Variants in TENM2 observed in about 807,000 individuals in gnomAD.
TENM2 encodes the protein teneurin-2.
Under a neutral mutation model 245.2 loss-of-function variants are expected in TENM2, and 52 were observed. The observed-to-expected ratio is 0.21, with a 90% confidence interval of 0.17 to 0.27. TENM2 has a LOEUF of 0.27. Ranked by LOEUF, TENM2 falls within the 10% of genes least tolerant of loss-of-function variation. The pLI is 1.00. For missense variants in TENM2, 3,046 were observed against 3,666.8 expected (o/e 0.83, Z 4.37); for synonymous variants, 1,363 against 1,438.9 (o/e 0.95, Z 1.19).
chr5:167,000,049 G>T, the TENM2 span, among the ~76,000 whole-genome samples: 2 of 152,158 alleles, frequency 1.3e-5, no homozygotes, highest in Non-Finnish European at 2.9e-5. Flanking sequence ...AGGACGCTGT[G>T]ATTGTGTTAG....
intron 3 of TENM2, among the ~76,000 whole-genome samples, chr5:167,940,213 G>A (rs1742234743): frequency 6.6e-6 from 1 of 152,082 alleles, no homozygotes; most frequent in Non-Finnish European, 1.5e-5. Flanking sequence ...ATTTCTGATG[G>A]AATTTGGAGC....
At chr5:167,747,058 A>T (rs1188000969) in intron 2 of TENM2, among the ~76,000 whole-genome samples, 1 of 152,170 alleles carries the variant, frequency 6.6e-6, no homozygotes, top group Non-Finnish European at 1.5e-5. Context: ...GAGAAGTGCT[A>T]TGAAGAAATA....
In TENM2 at chr5:167,437,325, C is replaced by T. The variant is rs368364889; in HGVS notation, c.502+61852C>T. 2.0e-3 allele frequency among the ~76,000 whole-genome samples: 305 copies of T among 152,264 alleles called. 12 individuals carry two copies. The South Asian group carries it at 0.058, about 29-fold the overall frequency. On this transcript the variant is annotated intron_variant, in intron 2 of 28. Transcript: ENST00000518659. ...CCAGATTTCGGACTTGCATAAGGCC[C>T]GTAGCCCCTTGGTTTTGGCCAATGT...
exon 2 of TENM2, chr5:167,375,472 C>T (rs751668254): frequency 1.2e-4 from 180 of 1,551,390 alleles, no homozygotes; most frequent in Non-Finnish European, 1.4e-4. Context: ...ATGATGAGAA[C>T]GGTAGGCCTG....
In TENM2 at chr5:168,012,335, G is replaced by T. The variant is rs190377668; in HGVS notation, c.1186+19153G>T. On this transcript the variant is annotated intron_variant, in intron 5 of 28. Transcript: ENST00000518659. ...GGTTGAAGGAATTGGGAGATAAAAA[G>T]AAATACACTTCAAAACTGAAGGTGA... 3.3e-5 allele frequency among the ~76,000 whole-genome samples: 5 copies of T among 152,212 alleles called. No individual in the cohort carries two copies. In the East Asian group the frequency reaches 7.8e-4, roughly 24 times the overall value.
chr5:167,258,519 G>A, the TENM2 span, among the ~76,000 whole-genome samples: 8 of 151,904 alleles, frequency 5.3e-5, no homozygotes, highest in Admixed American at 1.3e-4. Flanking sequence ...CTTAGCCTAT[G>A]AGGAAAAGTG....
At chr5:167,962,815 A>G (rs1781113851) in intron 4 of TENM2, among the ~76,000 whole-genome samples, 1 of 152,156 alleles carries the variant, frequency 6.6e-6, no homozygotes, top group Admixed American at 6.6e-5. Context: ...CATGATTAAG[A>G]TACCTCCCAC....
At chr5:167,876,278 C>A in intron 3 of TENM2, 83 bp downstream of exon 5, 1 of 1,215,002 alleles carries the variant, frequency 8.2e-7, no homozygotes, top group Non-Finnish European at 1.2e-6. Context: ...AATGCTGAAA[C>A]AAGGGCTGGG....
At chr5:167,978,266 G>A (rs1442973995) in intron 4 of TENM2, among the ~76,000 whole-genome samples, 3 of 152,136 alleles carry the variant, frequency 2.0e-5, no homozygotes, top group Non-Finnish European at 2.9e-5. Context: ...TCCTCTCCTA[G>A]GGAGATCCCC....
chr5:167,413,016 A>G (rs550641790), intron 2 of TENM2, among the ~76,000 whole-genome samples: 2 of 152,264 alleles, frequency 1.3e-5, no homozygotes, highest in South Asian at 4.1e-4. Flanking sequence ...AGAAATGTAC[A>G]TTGGCCCTAT....
At chr5:167,167,306 T>C in the TENM2 span, among the ~76,000 whole-genome samples, 1 of 152,174 alleles carries the variant, frequency 6.6e-6, no homozygotes, top group African/African-American at 2.4e-5. Context: ...TATGTGACTT[T>C]TATTATGGTA....
At chr5:167,952,063 C>T (rs1222811292) in intron 3 of TENM2, among the ~76,000 whole-genome samples, 2 of 152,186 alleles carry the variant, frequency 1.3e-5, no homozygotes, top group African/African-American at 4.8e-5. Context: ...AGGGCTGCCC[C>T]CTAGTCTCTT....
chr5:167,219,198 G>T, the TENM2 span, among the ~76,000 whole-genome samples: 1 of 152,122 alleles, frequency 6.6e-6, no homozygotes, highest in Non-Finnish European at 1.5e-5. Context: ...GTTTTGGAAG[G>T]CTGAGATGGG....
chr5:167,257,004 GT>G, the TENM2 span, among the ~76,000 whole-genome samples: 1 of 152,018 alleles, frequency 6.6e-6, no homozygotes, highest in Non-Finnish European at 1.5e-5. Context: ...TTGGAAAAAA[GT>G]TTCAGTAAAG....
At chr5:167,187,958 A>G in the TENM2 span, among the ~76,000 whole-genome samples, 6 of 152,158 alleles carry the variant, frequency 3.9e-5, no homozygotes, top group South Asian at 1.2e-3. Context: ...GTGTTTTGTT[A>G]CAGCAGCGTC....
intron 13 of TENM2, among the ~76,000 whole-genome samples, chr5:168,181,933 G>T (rs1480035699): frequency 6.6e-6 from 1 of 151,444 alleles, no homozygotes; most frequent in African/African-American, 2.4e-5. Context: ...TGCCTCAGCC[G>T]CCCGAACTGC....
chr5:168,068,736 A>G (rs1790722521), intron 7 of TENM2, among the ~76,000 whole-genome samples: 1 of 152,066 alleles, frequency 6.6e-6, no homozygotes, highest in Non-Finnish European at 1.5e-5. Flanking sequence ...TCCAACATAC[A>G]CACACACAGA....
At chr5:167,759,695 A>G (rs891859506) in intron 2 of TENM2, among the ~76,000 whole-genome samples, 1 of 152,136 alleles carries the variant, frequency 6.6e-6, no homozygotes, top group Non-Finnish European at 1.5e-5. Context: ...GCCCCCTTCC[A>G]GCAGGGTAGG....
At chr5:167,032,051 CTAA>C in the TENM2 span, among the ~76,000 whole-genome samples, 15 of 151,948 alleles carry the variant, frequency 9.9e-5, no homozygotes, top group Non-Finnish European at 2.2e-4. Flanking sequence ...AACTTTGCGG[CTAA>C]TGTTTTTTCG....
Sources: allele counts gnomAD v4.1 joint callset (sites outside exome capture counted in the v4.1 genomes callset), GRCh38; gene constraint gnomAD v4.1.1; transcripts MANE v1.5; gene names NCBI Gene and HGNC (gene_info 2026-07-23, HGNC 2026-07-21).